The following RPH3AL variants were observed in gnomAD, a reference collection of about 807,000 sequenced individuals.
The protein encoded by RPH3AL is rab effector Noc2.
A neutral mutation model predicts 43.1 loss-of-function variants in RPH3AL; 38 were observed. The ratio of observed to expected loss-of-function variants is 0.88; its 90% CI spans 0.68 to 1.15. RPH3AL has a LOEUF of 1.15. Ranked by LOEUF, RPH3AL falls within the 50% of genes most tolerant of loss-of-function variation. The pLI is 0.00. For missense variants in RPH3AL, 462 were observed against 423.2 expected (o/e 1.09, Z -0.81); for synonymous variants, 189 against 176.3 (o/e 1.07, Z -0.57).
intron 6 of RPH3AL, among the ~76,000 whole-genome samples, chr17:273,044 G>GTCAGGGAGAGACCCCAGCGAGGGTGACT (rs2042540083): frequency 6.4e-5 from 6 of 93,210 alleles, no homozygotes; most frequent in Admixed American, 1.1e-4. Context: ...CGAGGGCGAC[G>GTCAGGGAGAGACCCCAGCGAGGGTGACT]TCAGGGAGAG....
At chr17:240,671 A>T (rs1013843559) in intron 7 of RPH3AL, among the ~76,000 whole-genome samples, 13 of 152,220 alleles carry the variant, frequency 8.5e-5, no homozygotes, top group Non-Finnish European at 2.9e-5. Flanking sequence ...TGATTACACC[A>T]TATTTTATCC....
chr17:272,633 A>T (rs1007994714), intron 6 of RPH3AL, among the ~76,000 whole-genome samples: 1 of 147,968 alleles, frequency 6.8e-6, no homozygotes, highest in Admixed American at 6.7e-5. Flanking sequence ...GAGGGATAGC[A>T]TTAGGAGATA....
chr17:332,575 G>A (rs1198931770), intron 2 of RPH3AL: 1 of 176,830 alleles, frequency 5.7e-6, no homozygotes, highest in African/African-American at 2.3e-5. Context: ...TTTCATCAGA[G>A]AGATGTGGCT....
At chr17:317,717 A>G (rs1452875167) in intron 5 of RPH3AL, among the ~76,000 whole-genome samples, 1 of 152,256 alleles carries the variant, frequency 6.6e-6, no homozygotes, top group Non-Finnish European at 1.5e-5. Context: ...GAAATGAGGT[A>G]GCTGAAGTCC....
chr17:258,297 G>C (rs900531852), intron 6 of RPH3AL, among the ~76,000 whole-genome samples: 1 of 152,216 alleles, frequency 6.6e-6, no homozygotes, highest in Non-Finnish European at 1.5e-5. Context: ...ACACATCGTA[G>C]GTGTTCAGTA....
Position 232,829 on chromosome 17 carries a change from C to CGTGTGTGTGT in RPH3AL, c.614-13103_614-13094dup, listed in dbSNP as rs71143481. Among the ~76,000 whole-genome samples the CGTGTGTGTGT allele has an allele frequency of 2.2e-3, 263 of 119,500 alleles. 4 individuals are homozygous for CGTGTGTGTGT. Among genetic ancestry groups the CGTGTGTGTGT allele is most frequent in the African/African-American group, 3.2e-3 (98 of 30,504 alleles). 78.4% of individuals were successfully genotyped at this position (119,500 alleles called of 152,430 possible). Reference sequence around the variant, plus strand: ...CTTGTCTCTAAACAGTCCTTTCCGGCGTGTGTGTGTGTGTGTGTGTGTGTG... The same window carrying CGTGTGTGTGT: ...CTTGTCTCTAAACAGTCCTTTCCGGCGTGTGTGTGTGTGTGTGTGTGTGTGTGTGTGTGTG... On this transcript the variant is annotated intron_variant, in intron 7 of 9. Transcript: ENST00000331302.
At chr17:221,604 G>A (rs2040977746) in intron 7 of RPH3AL, among the ~76,000 whole-genome samples, 1 of 140,842 alleles carries the variant, frequency 7.1e-6, no homozygotes, top group South Asian at 2.3e-4. Flanking sequence ...TCCACTCGGT[G>A]AGACAATAGA....
intron 3 of RPH3AL, among the ~76,000 whole-genome samples, chr17:325,448 C>T (rs1200308843): frequency 6.6e-6 from 1 of 152,150 alleles, no homozygotes; most frequent in African/African-American, 2.4e-5. Context: ...GACCTCCGGC[C>T]AGGGCCTCCA....
At chr17:330,627 G>C (rs2044728982) in intron 2 of RPH3AL, among the ~76,000 whole-genome samples, 1 of 152,184 alleles carries the variant, frequency 6.6e-6, no homozygotes, top group African/African-American at 2.4e-5. Flanking sequence ...TGTAATCTCA[G>C]CACTTCGGGA....
chr17:281,159 T>C (rs866815627), intron 6 of RPH3AL, among the ~76,000 whole-genome samples: 1 of 151,960 alleles, frequency 6.6e-6, no homozygotes, highest in East Asian at 1.9e-4. Flanking sequence ...TCAAATGGGG[T>C]TGGAACTAGA....
In RPH3AL at chr17:345,407, T is replaced by C. The variant is rs1440931294; in HGVS notation, c.-213+7305A>G. ...CTTTCCCACCTCTCTAACTTCTCAT[T>C]GCCATTAGCAGGAACTTCCTCAAAC... is the stretch of plus-strand genomic sequence containing the variant. On this transcript the variant is annotated intron_variant, in intron 1 of 9. Transcript: ENST00000331302. 1.5e-5 allele frequency among the ~76,000 whole-genome samples: 2 copies of C among 135,450 alleles called. 1 individual carries two copies. The highest frequency in any genetic ancestry group is 3.4e-5 in the Non-Finnish European group (2 of 59,314). 88.9% of individuals were successfully genotyped at this position (135,450 alleles called of 152,430 possible).
chr17:283,435 T>C lies in RPH3AL; in HGVS notation c.352-1581A>G, dbSNP rs956303830. 6.6e-5 allele frequency among the ~76,000 whole-genome samples: 10 copies of C among 152,110 alleles called. No individual in the cohort carries two copies. The highest frequency in any genetic ancestry group is 2.4e-4 in the African/African-American group (10 of 41,420). On this transcript the variant is annotated intron_variant, in intron 5 of 9. Coordinates refer to ENST00000331302, the MANE Select transcript of RPH3AL (RefSeq NM_006987.4). This position sits in a 1 kb window ranked among gnomAD's most constrained non-coding sequence, Gnocchi z 4.2. Reference sequence around the variant, plus strand: ...CCATCCAATGCTCAGGTACGAGAAATGTCACCTTTTATTTATCCAAAGAAA... The same window carrying C: ...CCATCCAATGCTCAGGTACGAGAAACGTCACCTTTTATTTATCCAAAGAAA...
intron 6 of RPH3AL, among the ~76,000 whole-genome samples, chr17:271,675 C>T (rs2042466304): frequency 6.6e-6 from 1 of 152,198 alleles, no homozygotes; most frequent in South Asian, 2.1e-4. Context: ...TGGGCTGAGA[C>T]AACAGGGTTT....
intron 5 of RPH3AL, among the ~76,000 whole-genome samples, chr17:301,186 G>A (rs557269895): frequency 1.3e-5 from 2 of 152,362 alleles, no homozygotes; most frequent in African/African-American, 4.8e-5. Context: ...CGTAGCCGTC[G>A]GCCACCTCAT....
At chr17:348,762 T>C (rs2045297230) in intron 1 of RPH3AL, 1 of 152,202 alleles carries the variant, frequency 6.6e-6, no homozygotes, top group Non-Finnish European at 1.5e-5. Flanking sequence ...GTACTGTCCA[T>C]GCCTGTGTTC....
At position 215,763 on chromosome 17, in the gene RPH3AL, G is replaced by A. The variant is rs370733508; in HGVS notation, c.767C>T (p.Pro256Leu). 2.1e-4 allele frequency: 273 copies of A among 1,303,166 alleles called. No homozygotes were observed. The highest frequency in any genetic ancestry group is 5.8e-4 in the Middle Eastern group (2 of 3,456). 80.7% of individuals were successfully genotyped at this position (1,303,166 alleles called of 1,614,324 possible). ...VEAPRMGFTH[P>L]PGHLSGCQSS... ...CTGGCACCCAGAGAGGTGGCCCGGC[G>A]GGTGGGTGAACCCCATCCTGGGGGC... Residue 256 changes from proline (P) to leucine (L), a missense_variant, in exon 9 of 10, where the codon CCG becomes CTG. Coordinates refer to ENST00000331302, the MANE Select transcript of RPH3AL (RefSeq NM_006987.4). This position sits in a 1 kb window ranked among gnomAD's most constrained non-coding sequence, Gnocchi z 4.1.
At chr17:252,925 C>A in intron 6 of RPH3AL, among the ~76,000 whole-genome samples, 1 of 152,214 alleles carries the variant, frequency 6.6e-6, no homozygotes, top group East Asian at 1.9e-4. Context: ...CTATATTCCA[C>A]AGAGCGGGAC....
At position 327,581 on chromosome 17, in the gene RPH3AL, T is replaced by G; in HGVS notation, c.-36-2A>C. ...CCGGCTGGGGGTGGGGAGTCACATC[T>G]GAGATGAAGGAGGGAAGACGAAAGA... On this transcript the variant is annotated splice_acceptor_variant, in intron 2 of 9. Coordinates refer to ENST00000331302, the MANE Select transcript of RPH3AL (RefSeq NM_006987.4). LOFTEE classifies it low-confidence loss of function (5UTR_SPLICE). 6.3e-7 allele frequency: 1 copy of G among 1,594,688 alleles called. No individual in the cohort carries two copies. Among genetic ancestry groups the G allele is most frequent in the Non-Finnish European group, 8.6e-7 (1 of 1,163,818 alleles).
rs879653152 is a variant in RPH3AL at position 213,770 on chromosome 17, G to T, written c.*82C>A. The stretch of plus-strand genomic sequence containing the variant: ...ATGGCCAACAGGGTGTCTGGTGAGG[G>T]CACAAGGACCGGTCAGGGAGGAGCC... On this transcript the variant is annotated 3_prime_UTR_variant, in exon 10 of 10. Transcript: ENST00000331302. 5 of 1,132,096 alleles carry T rather than the reference G, an allele frequency of 4.4e-6. No individual in the cohort carries two copies. Among genetic ancestry groups the T allele is most frequent in the East Asian group, 2.5e-5 (1 of 40,502 alleles). 70.1% of individuals were successfully genotyped at this position (1,132,096 alleles called of 1,614,324 possible). A position where few individuals can be genotyped will look rare whatever the true frequency, so the allele number is the denominator to read the frequency against.
Sources: gnomAD v4.1 joint callset for allele counts (sites outside exome capture counted in the v4.1 genomes callset) on GRCh38, gnomAD v4.1.1 for gene constraint, Gnocchi (gnomAD v3.1) non-coding constraint, MANE v1.5 for transcripts, NCBI Gene and HGNC (gene_info 2026-07-23, HGNC 2026-07-21) for gene names.